CDH13: variants seen among roughly 807,000 people sequenced by gnomAD.
The protein encoded by CDH13 is cadherin 13, also known as cadherin-13.
CDH13 carries 24 observed loss-of-function variants against 63.8 expected under a neutral mutation model. That is an observed-to-expected ratio of 0.38 (90% CI 0.27 to 0.53). CDH13 has a LOEUF of 0.53. Ranked by LOEUF, CDH13 falls within the 20% of genes least tolerant of loss-of-function variation. The pLI, the probability that CDH13 is intolerant of heterozygous loss-of-function variation, is 0.85. For missense variants in CDH13, 1,049 were observed against 903.1 expected, an observed-to-expected ratio of 1.16 and a Z score of -2.07; for synonymous variants, 503 against 355.3, an observed-to-expected ratio of 1.42 and a Z score of -4.67.
In CDH13 at chr16:83,602,107, C is replaced by CAA. The variant is rs869202510; in HGVS notation, c.961-312_961-311dup. Among the ~76,000 whole-genome samples the CAA allele has an allele frequency of 7.8e-3, 62 of 7,952 alleles. 5 individuals carry two copies. The highest frequency in any genetic ancestry group is 9.9e-3 in the Non-Finnish European group (53 of 5,360). 5.2% of individuals were successfully genotyped at this position (7,952 alleles called of 152,430 possible). ...CAAAAAAAAAAAAAAAGAACAACAA[C>CAA]AAAAAAAAAAAAAAAAAAAAAAAAA... On this transcript the variant is annotated intron_variant, in intron 7 of 13. Coordinates refer to ENST00000567109, the MANE Select transcript of CDH13 (RefSeq NM_001257.5).
rs144306125 is a variant in CDH13, at chr16:83,306,229, C to T, written c.637-38633C>T. On this transcript the variant is annotated intron_variant, in intron 5 of 13. Coordinates refer to ENST00000567109, the MANE Select transcript of CDH13 (RefSeq NM_001257.5). Reference sequence around the variant, plus strand: ...AGTATTCTATAAACAAGGGTAGGTACCGTATCTGTGCTATGGTTTGGAGGT... The same window carrying T: ...AGTATTCTATAAACAAGGGTAGGTATCGTATCTGTGCTATGGTTTGGAGGT... 2.2e-4 allele frequency among the ~76,000 whole-genome samples: 33 copies of T among 152,300 alleles called. 1 individual carries two copies. The highest frequency in any genetic ancestry group is 7.8e-4 in the Admixed American group (12 of 15,306).
At chr16:83,727,352 C>G (rs951204628) in intron 10 of CDH13, among the ~76,000 whole-genome samples, 5 of 152,106 alleles carry the variant, frequency 3.3e-5, no homozygotes, top group African/African-American at 1.2e-4. Flanking sequence ...AGAGAACAGA[C>G]ACATTCATCA....
chr16:83,151,006 A>T (rs533156567), intron 4 of CDH13, among the ~76,000 whole-genome samples: 2 of 152,248 alleles, frequency 1.3e-5, no homozygotes, highest in Middle Eastern at 3.4e-3. Context: ...ATTCATCTTT[A>T]TGTGAAACAT....
chr16:82,828,943 T>G (rs1447428938), intron 1 of CDH13, among the ~76,000 whole-genome samples: 1 of 152,096 alleles, frequency 6.6e-6, no homozygotes, highest in African/African-American at 2.4e-5. Context: ...GTGCTAACCT[T>G]TTAGATAAAG....
At chr16:83,508,548 A>G (rs985842520) in intron 7 of CDH13, 5 of 152,514 alleles carry the variant, frequency 3.3e-5, no homozygotes, top group African/African-American at 7.2e-5. Flanking sequence ...GGGAACAGCC[A>G]TCAGCCTTTG....
intron 2 of CDH13, among the ~76,000 whole-genome samples, chr16:82,959,988 A>G (rs1426532001): frequency 2.0e-5 from 3 of 152,234 alleles, no homozygotes; most frequent in Non-Finnish European, 4.4e-5. Context: ...AAACATTGCT[A>G]AACTGTTTTC....
At chr16:83,446,189 G>A (rs956276524) in intron 6 of CDH13, among the ~76,000 whole-genome samples, 1 of 151,728 alleles carries the variant, frequency 6.6e-6, no homozygotes, top group African/African-American at 2.4e-5. Context: ...TGTAATCCCA[G>A]CTATTTAGGA....
intron 2 of CDH13, among the ~76,000 whole-genome samples, chr16:82,916,790 A>G (rs1222266894): frequency 1.3e-5 from 2 of 152,024 alleles, no homozygotes; most frequent in African/African-American, 4.8e-5. Flanking sequence ...GTAACAGAGC[A>G]GGAGACCTAA....
At chr16:83,558,470 C>G (rs978076372) in intron 7 of CDH13, among the ~76,000 whole-genome samples, 1 of 152,180 alleles carries the variant, frequency 6.6e-6, no homozygotes, top group Admixed American at 6.5e-5. Context: ...ATCACTGGTG[C>G]CTTATGCATG....
At chr16:83,235,039 A>T (rs1471546471) in intron 5 of CDH13, among the ~76,000 whole-genome samples, 1 of 152,164 alleles carries the variant, frequency 6.6e-6, no homozygotes, top group African/African-American at 2.4e-5. Context: ...TACAAAGTAA[A>T]CAAATAGATA....
At chr16:83,293,934 G>A (rs2089524534) in intron 5 of CDH13, among the ~76,000 whole-genome samples, 1 of 152,122 alleles carries the variant, frequency 6.6e-6, no homozygotes, top group Admixed American at 6.6e-5. Context: ...TAACTCCCAT[G>A]ATAACTTTTC....
chr16:83,327,108 G>A (rs1002492795), intron 5 of CDH13, among the ~76,000 whole-genome samples: 4 of 152,208 alleles, frequency 2.6e-5, no homozygotes, highest in Admixed American at 6.5e-5. Flanking sequence ...TAAAGGCAGG[G>A]ACAGATGGAA....
At chr16:83,699,420 C>A (rs1319932942) in intron 10 of CDH13, among the ~76,000 whole-genome samples, 1 of 152,204 alleles carries the variant, frequency 6.6e-6, no homozygotes, top group Non-Finnish European at 1.5e-5. Flanking sequence ...TGACTGCATG[C>A]CCCGTAGCAG....
At chr16:83,190,033 C>CTG (rs1319667874) in intron 4 of CDH13, among the ~76,000 whole-genome samples, 3 of 152,188 alleles carry the variant, frequency 2.0e-5, no homozygotes, top group Non-Finnish European at 4.4e-5. Flanking sequence ...CCATGTGGAA[C>CTG]TGTGAGTCAA....
chr16:83,342,394 G>A (rs1234255384), intron 5 of CDH13, among the ~76,000 whole-genome samples: 2 of 152,180 alleles, frequency 1.3e-5, no homozygotes, highest in Non-Finnish European at 2.9e-5. Context: ...GACATGTAGT[G>A]AGTCCTCAAA....
In CDH13 at chr16:83,689,995, G is replaced by A. The variant is rs542196210; in HGVS notation, c.1538+11534G>A. On this transcript the variant is annotated intron_variant, in intron 10 of 13. Transcript: ENST00000567109. ...GAGGTCAGGAATTTGAGACCAGCCT[G>A]ACCAACATGGTGAAACCCCATCTCT... Among the ~76,000 whole-genome samples, 199 of 152,264 alleles carry A rather than the reference G, an allele frequency of 1.3e-3. 1 individual carries two copies. Among genetic ancestry groups the A allele is most frequent in the African/African-American group, 4.7e-3 (194 of 41,550 alleles).
intron 5 of CDH13, among the ~76,000 whole-genome samples, chr16:83,234,859 G>A (rs974078174): frequency 2.6e-5 from 4 of 152,060 alleles, no homozygotes; most frequent in African/African-American, 4.8e-5. Flanking sequence ...ACAAACCCAC[G>A]TCCTCCCCTC....
At chr16:83,280,977 A>G (rs1483730858) in intron 5 of CDH13, among the ~76,000 whole-genome samples, 1 of 152,200 alleles carries the variant, frequency 6.6e-6, no homozygotes, top group Non-Finnish European at 1.5e-5. Context: ...TATTCCATTT[A>G]TAGAGCAAGA....
intron 5 of CDH13, among the ~76,000 whole-genome samples, chr16:83,227,545 A>G (rs751813991): frequency 6.6e-6 from 1 of 152,128 alleles, no homozygotes; most frequent in African/African-American, 2.4e-5. Flanking sequence ...AAGCCAGCCA[A>G]CCTCCGTGTT....
Sources: gnomAD v4.1 joint callset for allele counts (sites outside exome capture counted in the v4.1 genomes callset) on GRCh38, gnomAD v4.1.1 for gene constraint, MANE v1.5 for transcripts, NCBI Gene and HGNC (gene_info 2026-07-23, HGNC 2026-07-21) for gene names.